COX11: variants seen among roughly 807,000 people sequenced by gnomAD.
The protein encoded by COX11 is cytochrome c oxidase copper chaperone COX11, also known as cytochrome c oxidase assembly protein COX11, mitochondrial.
Under a neutral mutation model 29.4 loss-of-function variants are expected in COX11, and 18 were observed. The ratio of observed to expected loss-of-function variants is 0.61; its 90% CI spans 0.42 to 0.91. The LOEUF (loss-of-function observed/expected upper bound fraction) is 0.91. COX11 is among the 40% of genes least tolerant of loss of function. The pLI is 0.00. For missense variants in COX11, 312 were observed against 346.0 expected, an observed-to-expected ratio of 0.90 and a Z score of 0.78; for synonymous variants, 131 against 124.0, an observed-to-expected ratio of 1.06 and a Z score of -0.38.
chr17:54,959,121 G>C, downstream of COX11: 1 of 152,182 alleles, frequency 6.6e-6, no homozygotes, highest in East Asian at 1.9e-4. Flanking sequence ...AAATCGTTTT[G>C]AGGGAGATGA....
Position 54,961,818 on chromosome 17 carries a change from T to A in COX11, c.*915A>T. The A allele has an allele frequency of 1.0e-6, 1 of 985,100 alleles. No homozygotes were observed. The highest frequency in any genetic ancestry group is 1.2e-6 in the Non-Finnish European group (1 of 829,266). 61.0% of individuals were successfully genotyped at this position (985,100 alleles called of 1,614,324 possible). On this transcript the variant is annotated 3_prime_UTR_variant, in exon 4 of 4. Transcript: ENST00000299335. ...ACTAGACTCTACATTGGGCAGCCTT[T>A]AAATATGATTCTTTGTAATGCTAAA...
chr17:54,962,306 G>A lies in COX11; in HGVS notation c.*427C>T. On this transcript the variant is annotated 3_prime_UTR_variant, in exon 4 of 4. Transcript: ENST00000299335. ...AGGAAAATAGCAACCAACTCTTTTA[G>A]ACACAATAAACATGGTTAGAAGTTC... 1 of 986,290 alleles carries A rather than the reference G, an allele frequency of 1.0e-6. No homozygotes were observed. The highest frequency in any genetic ancestry group is 1.2e-6 in the Non-Finnish European group (1 of 830,688). 61.1% of individuals were successfully genotyped at this position (986,290 alleles called of 1,614,324 possible).
At chr17:54,964,604 T>C (rs12951542) in intron 2 of COX11, 93 bp downstream of exon 2, 283,222 of 1,134,516 alleles carry the variant, frequency 0.25, 38,363 homozygotes, top group Non-Finnish European at 0.28. Context: ...ATTAGAATCA[T>C]AGTGTTAAAA....
chr17:54,968,459 G>C lies in COX11; in HGVS notation c.188C>G (p.Ala63Gly). 6.2e-7 allele frequency: 1 copy of C among 1,613,448 alleles called. No individual in the cohort carries two copies. ...CGGCGGCTGCAATGCTGGATGCCGG[G>C]CTCGAAGGCTGCAGCGCTTCCATGT... is the stretch of plus-strand genomic sequence containing the variant. The part of the protein sequence containing the change: ...LGTWKRCSLR[A>G]RHPALQPPRR... Residue 63 changes from alanine to glycine, a missense_variant, in exon 1 of 4, where the codon GCC becomes GGC. Transcript: ENST00000299335.
In COX11 at chr17:54,967,122, C is replaced by A. The variant is rs777451330; in HGVS notation, c.366+1159G>T. Among the ~76,000 whole-genome samples the A allele has an allele frequency of 5.7e-4, 86 of 150,230 alleles. 1 individual carries two copies. In the Middle Eastern group the frequency reaches 0.01, roughly 18 times the overall value. ...AATACCAGTCATGGTGTTAAAAAAA[C>A]AATTCCCAAACTTTCCTGCACGCTG... On this transcript the variant is annotated intron_variant, in intron 1 of 3. Coordinates refer to ENST00000299335, the MANE Select transcript of COX11 (RefSeq NM_004375.5).
In COX11 at chr17:54,962,851, T is replaced by C. The variant is rs1366520800; in HGVS notation, c.713A>G (p.Tyr238Cys). ...ATCTTCAGCAAATTCAGGATCAATG[T>C]AGAAAAACACTGGCATATCTACTTC... is the stretch of plus-strand genomic sequence containing the variant. ...QEEVDMPVFF[Y>C]IDPEFAEDPR... The change falls in exon 4 of 4, where the codon TAC (tyrosine) becomes TGC (cysteine). Residue 238 changes from tyrosine to cysteine, a missense_variant. Physicochemically the swap from Tyr to Cys is radical, Grantham distance 194. Coordinates refer to ENST00000299335, the MANE Select transcript of COX11 (RefSeq NM_004375.5). 1.9e-6 allele frequency: 3 copies of C among 1,613,158 alleles called. No homozygotes were observed. The highest frequency in any genetic ancestry group is 1.7e-6 in the Non-Finnish European group (2 of 1,179,344).
downstream of COX11, chr17:54,958,475 A>AGGCGG (rs2077009872): frequency 6.6e-6 from 1 of 152,330 alleles, no homozygotes; most frequent in East Asian, 1.9e-4. Context: ...TCACGCCTAT[A>AGGCGG]ATCCCAGCAC....
rs767254688 is a variant in COX11, at chr17:54,968,463, G to C, written c.184C>G (p.Arg62Gly). 1.2e-6 allele frequency: 2 copies of C among 1,613,408 alleles called. No individual in the cohort carries two copies. Among genetic ancestry groups the C allele is most frequent in the South Asian group, 2.2e-5 (2 of 91,070 alleles). The part of the protein sequence containing the change: ...WLGTWKRCSL[R>G]ARHPALQPPR... ...GGCTGCAATGCTGGATGCCGGGCTC[G>C]AAGGCTGCAGCGCTTCCATGTCCCA... The change falls in exon 1 of 4, where the codon CGA becomes GGA. Residue 62 changes from arginine to glycine, a missense_variant. Transcript: ENST00000299335.
downstream of COX11, among the ~76,000 whole-genome samples, chr17:54,960,069 T>C (rs892446132): frequency 1.3e-5 from 2 of 152,082 alleles, no homozygotes; most frequent in African/African-American, 4.8e-5. Context: ...GACATAGGAA[T>C]TGCAACAATA....
chr17:54,963,684 G>T (rs1486784035), intron 2 of COX11, among the ~76,000 whole-genome samples: 1 of 152,020 alleles, frequency 6.6e-6, no homozygotes, highest in Non-Finnish European at 1.5e-5. Context: ...TATATTTGAG[G>T]TCTTCAAGGA....
At chr17:54,964,467 A>C (rs926607154) in intron 2 of COX11, 2 of 478,444 alleles carry the variant, frequency 4.2e-6, no homozygotes, top group South Asian at 2.5e-5. Flanking sequence ...CATTACTATA[A>C]ATTTTTTTAT....
rs766324075 is a variant in COX11 at position 54,962,757 on chromosome 17, C to T, written c.807G>A (p.Lys269=). Residue 269 remains lysine (K), a synonymous_variant, in exon 4 of 4, where the codon AAG becomes AAA. Transcript: ENST00000299335. ...YTFFEAKEGH[K]LPVPGYN ...TTCAATTATATCCTGGAACTGGCAA[C>T]TTGTGCCCTTCCTTTGCTTCAAAAA... 3.0e-5 allele frequency: 48 copies of T among 1,611,748 alleles called. No individual in the cohort carries two copies. The highest frequency in any genetic ancestry group is 4.0e-5 in the Non-Finnish European group (47 of 1,179,152).
At position 54,961,080 on chromosome 17, in the gene COX11, C is replaced by A; in HGVS notation, c.*1653G>T. On this transcript the variant is annotated 3_prime_UTR_variant, in exon 4 of 4. Transcript: ENST00000299335. ...AATGAACTATCAAAACTTATTTATT[C>A]CCCTTATACCCTCCCCTATGGAAGA... 1.6e-6 allele frequency: 1 copy of A among 635,520 alleles called. No homozygotes were observed. Among genetic ancestry groups the A allele is most frequent in the South Asian group, 1.9e-5 (1 of 52,596 alleles). 39.4% of individuals were successfully genotyped at this position (635,520 alleles called of 1,614,324 possible).
exon 1 of COX11, chr17:54,953,978 C>CT (rs1429544711): frequency 6.6e-6 from 1 of 152,170 alleles, no homozygotes; most frequent in African/African-American, 2.4e-5. Flanking sequence ...TTCTATTTCT[C>CT]TGAGATTTCC....
At position 54,961,309 on chromosome 17, in the gene COX11, A is replaced by C. The variant is rs1448003751; in HGVS notation, c.*1424T>G. Reference sequence around the variant, plus strand: ...AAAACGTAGACTCTGTGCAGCTTTGAAGCCTGGAAGACAATACCTACCAAC... The same window carrying C: ...AAAACGTAGACTCTGTGCAGCTTTGCAGCCTGGAAGACAATACCTACCAAC... On this transcript the variant is annotated 3_prime_UTR_variant, in exon 4 of 4. Coordinates refer to ENST00000299335, the MANE Select transcript of COX11 (RefSeq NM_004375.5). The C allele has an allele frequency of 3.2e-6, 5 of 1,551,458 alleles. No individual in the cohort carries two copies. The Admixed American group carries it at 9.8e-5, about 30-fold the overall frequency.
rs2077093452 is a variant in COX11 at position 54,960,540 on chromosome 17, C to G, written c.*2193G>C. On this transcript the variant is annotated 3_prime_UTR_variant, in exon 4 of 4. Transcript: ENST00000299335. ...AGCACTTTGAAATTGATACATAACC[C>G]TTTTGCTGTGATGGCTTTGTTTCAG... 1.2e-6 allele frequency: 2 copies of G among 1,600,906 alleles called. No homozygotes were observed. Among genetic ancestry groups the G allele is most frequent in the Admixed American group, 1.7e-5 (1 of 59,898 alleles).
At position 54,962,898 on chromosome 17, in the gene COX11, T is replaced by C; in HGVS notation, c.666A>G (p.Glu222=). 6.2e-7 allele frequency: 1 copy of C among 1,610,542 alleles called. No individual in the cohort carries two copies. Among genetic ancestry groups the C allele is most frequent in the South Asian group, 1.1e-5 (1 of 89,926 alleles). ...CTTCCTCTTGGGGATTAAGCCTTTG[T>C]TCTTCAAAACAGAAGCACTGGAAAT... ...FNKIQCFCFE[E]QRLNPQEEVD... Residue 222 remains glutamate, a synonymous_variant, in exon 4 of 4, where the codon GAA becomes GAG. Transcript: ENST00000299335.
downstream of COX11, among the ~76,000 whole-genome samples, chr17:54,960,116 A>T (rs1002700056): frequency 6.6e-6 from 1 of 152,146 alleles, no homozygotes; most frequent in South Asian, 2.1e-4. Context: ...TAATCCCAGC[A>T]CTTTGGGAGG....
chr17:54,962,798 T>C lies in COX11; in HGVS notation c.766A>G (p.Thr256Ala). 6.2e-7 allele frequency: 1 copy of C among 1,612,910 alleles called. No individual in the cohort carries two copies. Among genetic ancestry groups the C allele is most frequent in the Non-Finnish European group, 8.5e-7 (1 of 1,179,276 alleles). Residue 256 changes from threonine to alanine, a missense_variant, in exon 4 of 4, where the codon ACT becomes GCT. By Grantham distance (58) the Thr-to-Ala change is moderately conservative. Transcript: ENST00000299335. ...GCTTCAAAAAAAGTGTAAGAAAGAGTGATAAGATCAACTTTAATCATTCTT... is the reference window on the plus strand; with the variant it reads ...GCTTCAAAAAAAGTGTAAGAAAGAGCGATAAGATCAACTTTAATCATTCTT... ...DPRMIKVDLI[T>A]LSYTFFEAKE...
Sources: gnomAD v4.1 joint callset for allele counts (sites outside exome capture counted in the v4.1 genomes callset) on GRCh38, gnomAD v4.1.1 for gene constraint, MANE v1.5 for transcripts, NCBI Gene and HGNC (gene_info 2026-07-23, HGNC 2026-07-21) for gene names.